RGS6: variants seen among roughly 807,000 people sequenced by gnomAD.
The protein encoded by RGS6 is regulator of G protein signaling 6.
In RGS6, 30 loss-of-function variants were observed where a neutral mutation model predicts 78.5. The ratio of observed to expected loss-of-function variants is 0.38; its 90% CI spans 0.29 to 0.52. The LOEUF (loss-of-function observed/expected upper bound fraction) is 0.52, where lower values mean the gene tolerates loss of function less well. RGS6 is among the 20% of genes least tolerant of loss of function. RGS6 has a pLI of 0.85. For synonymous variants in RGS6, 206 were observed against 206.0 expected, an observed-to-expected ratio of 1.00 and a Z score of 0.00; for missense variants, 495 against 609.7, an observed-to-expected ratio of 0.81 and a Z score of 1.98.
the RGS6 span, among the ~76,000 whole-genome samples, chr14:72,573,409 A>G: frequency 6.6e-6 from 1 of 152,204 alleles, no homozygotes; most frequent in Non-Finnish European, 1.5e-5. Context: ...ATGTCTTAAC[A>G]GAAAGAGTCC....
chr14:72,582,708 T>C, the RGS6 span, among the ~76,000 whole-genome samples: 1 of 152,136 alleles, frequency 6.6e-6, no homozygotes, highest in Admixed American at 6.5e-5. Flanking sequence ...ACAACATCTG[T>C]TCATCAGCAT....
chr14:72,522,441 C>G (rs1429936495), intron 15 of RGS6, among the ~76,000 whole-genome samples: 1 of 152,210 alleles, frequency 6.6e-6, no homozygotes, highest in African/African-American at 2.4e-5. Flanking sequence ...TGTAACCTGC[C>G]TTTTACCTAA....
the RGS6 span, among the ~76,000 whole-genome samples, chr14:72,608,529 T>TC: frequency 6.6e-6 from 1 of 152,098 alleles, no homozygotes; most frequent in African/African-American, 2.4e-5. Context: ...TCTCTCTCTC[T>TC]CCCCAACCAT....
intron 2 of RGS6, among the ~76,000 whole-genome samples, chr14:72,188,734 C>A (rs533514342): frequency 2.0e-5 from 3 of 152,244 alleles, no homozygotes; most frequent in African/African-American, 7.2e-5. Flanking sequence ...TGATGGAAAG[C>A]GGTAAAAACT....
In RGS6 at chr14:71,937,437, C is replaced by G. The variant is rs111256288; in HGVS notation, c.-21+4496C>G. 9.1e-3 allele frequency among the ~76,000 whole-genome samples: 1,388 copies of G among 152,270 alleles called. 19 individuals carry two copies. Among genetic ancestry groups the G allele is most frequent in the African/African-American group, 0.032 (1,324 of 41,536 alleles). ...CTGTGAATCCTGGCTATAGGAGAAA[C>G]AGTACCATATATTGGATGCTGATTC... On this transcript the variant is annotated intron_variant, in intron 1 of 17. Transcript: ENST00000553525.
At chr14:72,595,598 T>C in the RGS6 span, among the ~76,000 whole-genome samples, 4 of 152,192 alleles carry the variant, frequency 2.6e-5, no homozygotes. Flanking sequence ...CCCTTTTCTT[T>C]AGGGTGAACA....
At chr14:72,224,986 T>C (rs2153799458) in intron 2 of RGS6, among the ~76,000 whole-genome samples, 1 of 152,274 alleles carries the variant, frequency 6.6e-6, no homozygotes, top group Admixed American at 6.5e-5. Context: ...GCCACAAAAA[T>C]ATTTGTTTTC....
chr14:71,927,818 C>A (rs548593010), upstream of RGS6, among the ~76,000 whole-genome samples: 1 of 151,742 alleles, frequency 6.6e-6, no homozygotes, highest in African/African-American at 2.4e-5. Flanking sequence ...CCACCATGCC[C>A]GGCTAATTTT....
At chr14:72,134,557 T>C (rs997463581) in intron 2 of RGS6, among the ~76,000 whole-genome samples, 1 of 152,184 alleles carries the variant, frequency 6.6e-6, no homozygotes, top group Non-Finnish European at 1.5e-5. Flanking sequence ...TTAACATGTG[T>C]GTTAGGGTTC....
intron 2 of RGS6, among the ~76,000 whole-genome samples, chr14:72,136,493 G>A (rs1038318074): frequency 7.2e-5 from 11 of 152,152 alleles, no homozygotes; most frequent in Admixed American, 6.5e-5. Context: ...CAAAAGTCAC[G>A]TCTTATATGG....
intron 13 of RGS6, among the ~76,000 whole-genome samples, chr14:72,499,098 GTCTT>G (rs1399972626): frequency 6.6e-6 from 1 of 152,108 alleles, no homozygotes; most frequent in East Asian, 1.9e-4. Flanking sequence ...AGTTTCTGAT[GTCTT>G]TCTATTTCCT....
At chr14:72,259,855 G>A (rs1249964886) in intron 2 of RGS6, among the ~76,000 whole-genome samples, 1 of 140,892 alleles carries the variant, frequency 7.1e-6, no homozygotes, top group African/African-American at 2.7e-5. Flanking sequence ...AGCTTGCAGT[G>A]AGCCGAGATC....
At chr14:72,423,785 A>G (rs931217664) in intron 3 of RGS6, among the ~76,000 whole-genome samples, 7 of 152,206 alleles carry the variant, frequency 4.6e-5, no homozygotes, top group Admixed American at 1.3e-4. Flanking sequence ...CAATTTATAC[A>G]TATAACAAAC....
intron 2 of RGS6, among the ~76,000 whole-genome samples, chr14:72,081,556 G>A (rs1298050120): frequency 6.6e-6 from 1 of 152,006 alleles, no homozygotes; most frequent in Non-Finnish European, 1.5e-5. Flanking sequence ...TGTTATCTGT[G>A]GTCAAGCATT....
At chr14:72,231,186 G>A (rs1006430399) in intron 2 of RGS6, among the ~76,000 whole-genome samples, 2 of 152,130 alleles carry the variant, frequency 1.3e-5, no homozygotes, top group East Asian at 1.9e-4. Context: ...TTCCCCAAGC[G>A]TAAAGTGACA....
At chr14:71,883,794 C>A in the RGS6 span, among the ~76,000 whole-genome samples, 3 of 152,188 alleles carry the variant, frequency 2.0e-5, no homozygotes, top group Non-Finnish European at 2.9e-5. Context: ...ATACTCCCAC[C>A]AGTGCCATGA....
chr14:72,111,222 G>A (rs546707673), intron 2 of RGS6, among the ~76,000 whole-genome samples: 203 of 152,214 alleles, frequency 1.3e-3, no homozygotes, highest in African/African-American at 4.6e-3. Context: ...AAAAGAAATC[G>A]ATTCTTTTTA....
At position 72,555,842 on chromosome 14, in the gene RGS6, C is replaced by T. The variant is rs555517416; in HGVS notation, c.1423-6575C>T. The stretch of plus-strand genomic sequence containing the variant: ...ATGCTTGACAGACACACAATAGTTG[C>T]TCAATGGTCCATCAGCAGGTGGCTG... On this transcript the variant is annotated intron_variant, in intron 17 of 17. Coordinates refer to ENST00000553525, the MANE Select transcript of RGS6 (RefSeq NM_001204424.2). Among the ~76,000 whole-genome samples the T allele has an allele frequency of 1.2e-4, 18 of 152,350 alleles. No homozygotes were observed. The East Asian group carries it at 3.5e-3, about 29-fold the overall frequency.
the RGS6 span, among the ~76,000 whole-genome samples, chr14:72,578,977 A>G: frequency 6.6e-6 from 1 of 152,190 alleles, no homozygotes; most frequent in Non-Finnish European, 1.5e-5. Flanking sequence ...AGATGAGATC[A>G]AGTCTGCAAT....
Sources: allele counts gnomAD v4.1 joint callset (sites outside exome capture counted in the v4.1 genomes callset), GRCh38; gene constraint gnomAD v4.1.1; transcripts MANE v1.5; gene names NCBI Gene and HGNC (gene_info 2026-07-23, HGNC 2026-07-21).